The following MS4A18 variants were observed in gnomAD, a reference collection of about 807,000 sequenced individuals.
MS4A18 encodes membrane spanning 4-domains A18.
Under a neutral mutation model 13.1 loss-of-function variants are expected in MS4A18, and 27 were observed. The ratio of observed to expected loss-of-function variants is 2.06; its 90% CI spans 1.52 to 2.84. The LOEUF is 2.84. MS4A18 is among the 30% of genes most tolerant of loss of function. The pLI, the probability that MS4A18 is intolerant of heterozygous loss-of-function variation, is 0.00. For synonymous variants in MS4A18, 126 were observed against 76.5 expected, an observed-to-expected ratio of 1.65 and a Z score of -3.38; for missense variants, 307 against 196.4, an observed-to-expected ratio of 1.56 and a Z score of -3.37.
chr11:60,735,500 ATTTTTT>A (rs56136215), intron 2 of MS4A18, among the ~76,000 whole-genome samples: 9 of 110,090 alleles, frequency 8.2e-5, no homozygotes, highest in Non-Finnish European at 1.4e-4. Context: ...TGCCCGGCTA[ATTTTTT>A]TTTTTTTTTT....
At chr11:60,737,070 G>T in intron 3 of MS4A18, 36 bp downstream of exon 4, 1 of 700,378 alleles carries the variant, frequency 1.4e-6, no homozygotes, top group Admixed American at 2.0e-5. Context: ...ATCCTTGAAT[G>T]TTAGAATTTG....
chr11:60,743,079 C>CGG (rs1853431806), intron 5 of MS4A18, among the ~76,000 whole-genome samples: 4 of 152,258 alleles, frequency 2.6e-5, no homozygotes, highest in African/African-American at 9.6e-5. Flanking sequence ...CCAGCGCCAC[C>CGG]TGCCACCTAG....
chr11:60,742,571 C>A (rs1333902615), intron 5 of MS4A18, among the ~76,000 whole-genome samples: 6 of 152,160 alleles, frequency 3.9e-5, no homozygotes, highest in Non-Finnish European at 7.4e-5. Context: ...TTCTGTCTAG[C>A]TGAAAGGGTC....
upstream of MS4A18, among the ~76,000 whole-genome samples, chr11:60,729,105 G>GA (rs1853210241): frequency 2.0e-5 from 3 of 152,192 alleles, no homozygotes; most frequent in South Asian, 6.2e-4. Flanking sequence ...GTAGCCTCGG[G>GA]AAACCCTAGT....
intron 2 of MS4A18, among the ~76,000 whole-genome samples, chr11:60,735,081 C>A (rs1853314623): frequency 6.6e-6 from 1 of 152,074 alleles, no homozygotes; most frequent in African/African-American, 2.4e-5. Context: ...TCCCACCCAG[C>A]CTAACAATAT....
chr11:60,742,135 G>C (rs1182313530), intron 5 of MS4A18, among the ~76,000 whole-genome samples: 1 of 152,140 alleles, frequency 6.6e-6, no homozygotes, highest in Non-Finnish European at 1.5e-5. Context: ...GGAAGACTCT[G>C]CCCATGCCAT....
downstream of MS4A18, among the ~76,000 whole-genome samples, chr11:60,744,770 G>A (rs1239885656): frequency 6.6e-6 from 1 of 152,224 alleles, no homozygotes; most frequent in African/African-American, 2.4e-5. Flanking sequence ...GATGTTCAAT[G>A]TTATTAGCCA....
At chr11:60,725,399 T>C (rs935442448), upstream of MS4A18, among the ~76,000 whole-genome samples, 1 of 152,146 alleles carries the variant, frequency 6.6e-6, no homozygotes, top group African/African-American at 2.4e-5. Flanking sequence ...TTTCACCGTG[T>C]TAACCAGGAT....
At chr11:60,728,207 A>G (rs946049423), upstream of MS4A18, among the ~76,000 whole-genome samples, 3 of 152,232 alleles carry the variant, frequency 2.0e-5, no homozygotes, top group African/African-American at 7.2e-5. Flanking sequence ...TGGGAAAGAC[A>G]GTCTGTTTTT....
intron 1 of MS4A18, among the ~76,000 whole-genome samples, chr11:60,730,603 TG>T (rs1565058910): frequency 6.6e-6 from 1 of 152,208 alleles, no homozygotes; most frequent in Admixed American, 6.5e-5. Context: ...AAGTGCAAAT[TG>T]TCTGGCTTCT....
exon 2 of MS4A18, chr11:60,733,554 C>T (rs1330420841): frequency 2.8e-6 from 2 of 703,336 alleles, no homozygotes; most frequent in Non-Finnish European, 2.6e-6. Context: ...TCCTCATCGG[C>T]CTGACGCACA....
chr11:60,743,632 ATGTCCTT>A lies in MS4A18; in HGVS notation c.859-13_859-7del, dbSNP rs1336708139. On this transcript the variant is annotated splice_polypyrimidine_tract_variant and intron_variant, in intron 5 of 5. Coordinates refer to ENST00000529108, the Ensembl canonical transcript of MS4A18. ...TACTACAGAGGAAGATGACGACCAC[ATGTCCTT>A]TGTCTTTCAGAATGTGGCAGTGATT... 4.3e-6 allele frequency: 3 copies of A among 700,372 alleles called. No individual in the cohort carries two copies. Among genetic ancestry groups the A allele is most frequent in the Non-Finnish European group, 7.8e-6 (3 of 383,434 alleles). The allele number at this position is 700,372 out of a possible 1,614,324, so 43.4% of individuals were successfully genotyped here.
upstream of MS4A18, among the ~76,000 whole-genome samples, chr11:60,728,040 T>A (rs1478483408): frequency 6.6e-6 from 1 of 152,162 alleles, no homozygotes; most frequent in Non-Finnish European, 1.5e-5. Flanking sequence ...CCCTGGACCA[T>A]AATGGTTTAA....
chr11:60,741,167 G>A (rs1270250037), intron 5 of MS4A18, 24 bp downstream of exon 6: 4 of 702,866 alleles, frequency 5.7e-6, no homozygotes, highest in Non-Finnish European at 1.0e-5. Flanking sequence ...TCTGTTCCAG[G>A]AATCAGATCA....
intron 3 of MS4A18, 70 bp downstream of exon 4, chr11:60,737,104 G>C (rs1265164895): frequency 1.4e-6 from 1 of 700,468 alleles, no homozygotes; most frequent in African/African-American, 1.8e-5. Flanking sequence ...CATGAAAAAA[G>C]GAGACTCACA....
intron 2 of MS4A18, among the ~76,000 whole-genome samples, chr11:60,735,290 C>G (rs906743159): frequency 6.6e-6 from 1 of 151,964 alleles, no homozygotes; most frequent in Non-Finnish European, 1.5e-5. Flanking sequence ...TAAGTATCCC[C>G]TCTATGCCCC....
At chr11:60,740,933 G>A (rs754262751) in intron 4 of MS4A18, 97 bp from the exon 6 acceptor site, 19 of 691,364 alleles carry the variant, frequency 2.7e-5, no homozygotes, top group Non-Finnish European at 4.7e-5. Flanking sequence ...GAGGGTCTCA[G>A]GCCTTCCAGG....
chr11:60,745,024 C>T (rs925011), downstream of MS4A18, among the ~76,000 whole-genome samples: 2,054 of 152,206 alleles, frequency 0.013, 116 homozygotes, highest in Admixed American at 0.1. Context: ...TACTTCCACA[C>T]GAAATGCGAA....
chr11:60,732,512 G>A (rs945531736), intron 1 of MS4A18, among the ~76,000 whole-genome samples: 3 of 151,868 alleles, frequency 2.0e-5, no homozygotes, highest in Admixed American at 6.6e-5. Flanking sequence ...GGCGGTTCAC[G>A]AGGTCAGGAG....
Sources: gnomAD v4.1 joint callset for allele counts (sites outside exome capture counted in the v4.1 genomes callset) on GRCh38, gnomAD v4.1.1 for gene constraint, MANE v1.5 for transcripts, NCBI Gene and HGNC (gene_info 2026-07-23, HGNC 2026-07-21) for gene names.